COA1: variants seen among roughly 807,000 people sequenced by gnomAD.
COA1 encodes the protein cytochrome c oxidase assembly factor 1.
In COA1, 13 loss-of-function variants were observed where a neutral mutation model predicts 16.0. That is an observed-to-expected ratio of 0.81 (90% CI 0.53 to 1.29). The LOEUF (loss-of-function observed/expected upper bound fraction) is 1.29. COA1 is among the 50% of genes most tolerant of loss of function. The pLI, the probability that COA1 is intolerant of heterozygous loss-of-function variation, is 0.00. For synonymous variants in COA1, 65 were observed against 65.7 expected (o/e 0.99, Z 0.05); for missense variants, 179 against 177.0 (o/e 1.01, Z -0.06).
downstream of COA1, among the ~76,000 whole-genome samples, chr7:43,636,005 T>TA (rs1199831824): frequency 5.3e-5 from 8 of 152,122 alleles, no homozygotes; most frequent in Admixed American, 4.6e-4. Flanking sequence ...AAAGTTTCCT[T>TA]AAAAAAATTC....
rs142233421 is a variant in COA1 at position 43,617,470 on chromosome 7, T to C, written c.*134-7975A>G. ...ATTTAAAATCAACTATGGTGACATG[T>C]TAGCTAAATGGAAGAGCGGGGAGGA... On this transcript the variant is annotated intron_variant and NMD_transcript_variant, in intron 6 of 6. Transcript: ENST00000415076. Among the ~76,000 whole-genome samples the C allele has an allele frequency of 5.9e-5, 9 of 152,312 alleles. No individual in the cohort carries two copies. In the East Asian group the frequency reaches 1.7e-3, roughly 29 times the overall value.
At chr7:43,637,443 C>A (rs2086085360), downstream of COA1, among the ~76,000 whole-genome samples, 1 of 152,192 alleles carries the variant, frequency 6.6e-6, no homozygotes, top group African/African-American at 2.4e-5. Flanking sequence ...TCTGGGCTAT[C>A]CTGTCTCTTT....
chr7:43,638,566 C>CTTTTTTTTTTTTTTTT (rs746584234), downstream of COA1, among the ~76,000 whole-genome samples: 11 of 97,416 alleles, frequency 1.1e-4, no homozygotes, highest in East Asian at 2.5e-4. Flanking sequence ...TTTTTCTTTC[C>CTTTTTTTTTTTTTTTT]TTTTTTTTTT....
intron 6 of COA1, among the ~76,000 whole-genome samples, chr7:43,633,728 G>A (rs138878275): frequency 2.0e-3 from 311 of 152,126 alleles, no homozygotes; most frequent in African/African-American, 6.7e-3. Flanking sequence ...GTGTAATAAA[G>A]TAAAACACAA....
chr7:43,674,097 G>A (rs1247732789), intron 1 of COA1, among the ~76,000 whole-genome samples: 6 of 152,016 alleles, frequency 3.9e-5, no homozygotes, highest in African/African-American at 7.2e-5. Context: ...CAACCCCTGT[G>A]ACACAAAATC....
chr7:43,720,757 G>A (rs2095491237), intron 1 of COA1, among the ~76,000 whole-genome samples: 1 of 152,206 alleles, frequency 6.6e-6, no homozygotes, highest in Admixed American at 6.5e-5. Flanking sequence ...AGTCCCTAGG[G>A]AAGTATATAC....
At chr7:43,715,528 T>C (rs1055035855) in intron 1 of COA1, among the ~76,000 whole-genome samples, 1 of 152,178 alleles carries the variant, frequency 6.6e-6, no homozygotes, top group East Asian at 1.9e-4. Flanking sequence ...TTTACCTTCT[T>C]AATGATTAAC....
intron 6 of COA1, chr7:43,624,909 G>A: frequency 2.2e-6 from 3 of 1,352,014 alleles, no homozygotes; most frequent in Non-Finnish European, 3.0e-6. Context: ...ATGGACCTCT[G>A]GCCAAATGGT....
intron 1 of COA1, among the ~76,000 whole-genome samples, chr7:43,689,800 T>C (rs1029207049): frequency 2.0e-5 from 3 of 152,226 alleles, no homozygotes; most frequent in Non-Finnish European, 4.4e-5. Context: ...TGAAATAGTG[T>C]ATTACTTAAA....
chr7:43,691,367 G>C (rs1468577639), intron 1 of COA1, among the ~76,000 whole-genome samples: 1 of 44,650 alleles, frequency 2.2e-5, no homozygotes, highest in African/African-American at 1.1e-4. Context: ...GAGGGAGGGA[G>C]GGAGGGAGGG....
intron 4 of COA1, among the ~76,000 whole-genome samples, chr7:43,643,584 G>A (rs1584250341): frequency 6.6e-6 from 1 of 152,192 alleles, no homozygotes; most frequent in South Asian, 2.1e-4. Context: ...CGTCCATGCT[G>A]GACACTGGAC....
chr7:43,681,624 T>C (rs139813760), intron 1 of COA1, among the ~76,000 whole-genome samples: 2 of 152,314 alleles, frequency 1.3e-5, no homozygotes, highest in Non-Finnish European at 2.9e-5. Context: ...TCACTATCAA[T>C]GTGGATGGTG....
intron 1 of COA1, among the ~76,000 whole-genome samples, chr7:43,690,370 C>T (rs1377368391): frequency 6.6e-6 from 1 of 151,784 alleles, no homozygotes. Context: ...TGCCGATCAA[C>T]GAGTGGATAA....
intron 2 of COA1, chr7:43,648,229 A>C: frequency 2.9e-6 from 1 of 340,010 alleles, no homozygotes; most frequent in South Asian, 4.4e-5. Context: ...GTGTAAAGTT[A>C]ATTACAGTAA....
intron 1 of COA1, chr7:43,648,881 A>T: frequency 2.2e-6 from 1 of 449,738 alleles, no homozygotes; most frequent in Non-Finnish European, 4.0e-6. Flanking sequence ...TGTCCTATGT[A>T]GTTTTTGTTA....
chr7:43,691,618 A>G (rs920260866), intron 1 of COA1, among the ~76,000 whole-genome samples: 5 of 152,138 alleles, frequency 3.3e-5, no homozygotes, highest in African/African-American at 1.2e-4. Flanking sequence ...CCTCCCAGTC[A>G]CATAAAAAAT....
intron 1 of COA1, among the ~76,000 whole-genome samples, chr7:43,719,238 G>A (rs2095457704): frequency 1.3e-5 from 2 of 152,112 alleles, no homozygotes; most frequent in Admixed American, 1.3e-4. Flanking sequence ...AAAGTGCTGG[G>A]ATTATAGGCA....
At chr7:43,656,506 G>T (rs2091725380) in intron 1 of COA1, among the ~76,000 whole-genome samples, 1 of 151,870 alleles carries the variant, frequency 6.6e-6, no homozygotes, top group South Asian at 2.1e-4. Context: ...GACCATCCTG[G>T]CCAACATGGT....
chr7:43,657,370 C>T (rs550411675), intron 1 of COA1: 4 of 152,312 alleles, frequency 2.6e-5, no homozygotes, highest in South Asian at 4.1e-4. Context: ...CTGCAAGTGG[C>T]TAACCATTAT....
Sources: allele counts gnomAD v4.1 joint callset (sites outside exome capture counted in the v4.1 genomes callset), GRCh38; gene constraint gnomAD v4.1.1; transcripts MANE v1.5; gene names NCBI Gene and HGNC (gene_info 2026-07-23, HGNC 2026-07-21).